CADM1: variants seen among roughly 807,000 people sequenced by gnomAD.
CADM1 encodes TSLC-1.
In CADM1, 15 loss-of-function variants were observed where a neutral mutation model predicts 53.1. The observed-to-expected ratio is 0.28, with a 90% confidence interval of 0.19 to 0.44. The LOEUF is 0.44. CADM1 is among the 20% of genes least tolerant of loss of function. CADM1 has a pLI of 1.00. For missense variants in CADM1, 434 were observed against 611.3 expected, an observed-to-expected ratio of 0.71 and a Z score of 3.06; for synonymous variants, 281 against 243.0, an observed-to-expected ratio of 1.16 and a Z score of -1.45.
At chr11:115,390,945 T>A (rs769501752) in intron 1 of CADM1, among the ~76,000 whole-genome samples, 1 of 152,216 alleles carries the variant, frequency 6.6e-6, no homozygotes, top group Non-Finnish European at 1.5e-5. Context: ...ATTTAAAACT[T>A]ATGTGAGGCA....
intron 1 of CADM1, among the ~76,000 whole-genome samples, chr11:115,254,754 T>A (rs1489152742): frequency 6.6e-6 from 1 of 152,100 alleles, no homozygotes; most frequent in Non-Finnish European, 1.5e-5. Context: ...TGGAACAATA[T>A]GAAAAATACA....
chr11:115,442,254 A>G (rs1420447086), intron 1 of CADM1, among the ~76,000 whole-genome samples: 1 of 152,028 alleles, frequency 6.6e-6, no homozygotes, highest in Non-Finnish European at 1.5e-5. Context: ...CAATCATAAT[A>G]TATGAAAAAG....
chr11:115,326,048 C>T (rs772858701), intron 1 of CADM1, among the ~76,000 whole-genome samples: 3 of 152,130 alleles, frequency 2.0e-5, no homozygotes, highest in Non-Finnish European at 2.9e-5. Flanking sequence ...CACATATTTA[C>T]ACAAATTAAA....
chr11:115,449,052 CTCA>C (rs1184203459), intron 1 of CADM1, among the ~76,000 whole-genome samples: 1 of 152,118 alleles, frequency 6.6e-6, no homozygotes, highest in Non-Finnish European at 1.5e-5. Flanking sequence ...GAAAAAATAT[CTCA>C]TCATCTTTTA....
Position 115,454,035 on chromosome 11 carries a change from T to C in CADM1, c.124+50236A>G, listed in dbSNP as rs758013212. On this transcript the variant is annotated intron_variant, in intron 1 of 11. Transcript: ENST00000331581. ...AGAAGTTCATTCATTGGTCATTTTTTCTAAAATGTTCTTTAAAAAAAAAAT... is the reference window on the plus strand; with the variant it reads ...AGAAGTTCATTCATTGGTCATTTTTCCTAAAATGTTCTTTAAAAAAAAAAT... 1.5e-4 allele frequency among the ~76,000 whole-genome samples: 23 copies of C among 151,786 alleles called. 1 individual carries two copies. The Middle Eastern group carries it at 0.014, about 90-fold the overall frequency.
chr11:115,417,654 G>A (rs1344285190), intron 1 of CADM1, among the ~76,000 whole-genome samples: 1 of 152,180 alleles, frequency 6.6e-6, no homozygotes, highest in Non-Finnish European at 1.5e-5. Flanking sequence ...TGGAGATGCT[G>A]GACAAGGGGA....
At chr11:115,234,849 C>T (rs370218890) in intron 3 of CADM1, among the ~76,000 whole-genome samples, 6 of 140,020 alleles carry the variant, frequency 4.3e-5, no homozygotes, top group Non-Finnish European at 6.0e-5. Context: ...GTCAAGATCA[C>T]GCCATTGCAC....
At chr11:115,420,801 G>A (rs376645367) in intron 1 of CADM1, among the ~76,000 whole-genome samples, 3 of 152,132 alleles carry the variant, frequency 2.0e-5, no homozygotes, top group Non-Finnish European at 4.4e-5. Flanking sequence ...AGGCTGTTTC[G>A]TTCTCCTGAT....
rs186942325 is a variant in CADM1 at position 115,368,157 on chromosome 11, G to A, written c.125-127737C>T. Among the ~76,000 whole-genome samples, 263 of 95,988 alleles carry A rather than the reference G, an allele frequency of 2.7e-3. 3 individuals are homozygous for A. The highest frequency in any genetic ancestry group is 0.01 in the African/African-American group (245 of 24,130). 63.0% of individuals were successfully genotyped at this position (95,988 alleles called of 152,430 possible). A position where few individuals can be genotyped will look rare whatever the true frequency, so the allele number is the denominator to read the frequency against. ...TTTTTTTTACTTTCCGGAGGAAATG[G>A]TCTTCCCTTCCAGATTGTTTGGGGG... On this transcript the variant is annotated intron_variant, in intron 1 of 11. Coordinates refer to ENST00000331581, the MANE Select transcript of CADM1 (RefSeq NM_001301043.2).
At chr11:115,389,355 T>C (rs183921603) in intron 1 of CADM1, among the ~76,000 whole-genome samples, 1 of 152,290 alleles carries the variant, frequency 6.6e-6, no homozygotes, top group African/African-American at 2.4e-5. Flanking sequence ...GAATTTAAAA[T>C]AACATACACG....
In CADM1 at chr11:115,217,315, TTTC is replaced by T. The variant is rs201086684; in HGVS notation, c.821+574_821+576del. Among the ~76,000 whole-genome samples the T allele has an allele frequency of 6.2e-3, 939 of 152,312 alleles. 7 individuals are homozygous for T. Among genetic ancestry groups the T allele is most frequent in the Non-Finnish European group, 9.9e-3 (676 of 68,024 alleles). On this transcript the variant is annotated intron_variant, in intron 6 of 11. Transcript: ENST00000331581. ...TTCAATAAAATAAGAGTCTTAGTTG[TTTC>T]TTCTTTTTCTCTTATGAAGTGGCAT...
intron 10 of CADM1, among the ~76,000 whole-genome samples, chr11:115,179,302 A>ATC (rs1049675913): frequency 6.6e-6 from 1 of 152,242 alleles, no homozygotes; most frequent in Non-Finnish European, 1.5e-5. Flanking sequence ...CTAAAGACAA[A>ATC]TGACAGGCTT....
chr11:115,290,016 T>A (rs1943845555), intron 1 of CADM1, among the ~76,000 whole-genome samples: 1 of 152,216 alleles, frequency 6.6e-6, no homozygotes, highest in African/African-American at 2.4e-5. Flanking sequence ...CTCTTTCAGA[T>A]AGGTCAAAAT....
rs1940552619 is a variant in CADM1 at position 115,203,836 on chromosome 11, T to C, written c.1079-5398A>G. ...CAAAAGCTGGTTAGCTATGTTGTTA[T>C]TTGTAACAGGTTTACAATTATCAGG... On this transcript the variant is annotated intron_variant, in intron 8 of 11. Transcript: ENST00000331581. 2.0e-5 allele frequency among the ~76,000 whole-genome samples: 3 copies of C among 152,286 alleles called. No homozygotes were observed. The South Asian group carries it at 6.2e-4, about 32-fold the overall frequency.
intron 9 of CADM1, chr11:115,193,990 C>T (rs1036797136): frequency 6.6e-6 from 1 of 152,190 alleles, no homozygotes; most frequent in East Asian, 1.9e-4. Flanking sequence ...GTTTTCCCTT[C>T]TTCCCATTAG....
At chr11:115,448,822 T>C (rs2135343690) in intron 1 of CADM1, among the ~76,000 whole-genome samples, 1 of 152,346 alleles carries the variant, frequency 6.6e-6, no homozygotes, top group African/African-American at 2.4e-5. Context: ...AGGTGTCATG[T>C]ATTATTGGCA....
intron 5 of CADM1, among the ~76,000 whole-genome samples, chr11:115,222,597 T>C (rs1374451096): frequency 1.4e-5 from 2 of 143,966 alleles, no homozygotes; most frequent in Non-Finnish European, 3.2e-5. Context: ...TCTGTTGTTA[T>C]GACTCATAGT....
intron 1 of CADM1, among the ~76,000 whole-genome samples, chr11:115,295,508 A>T (rs6589492): frequency 0.51 from 32,252 of 63,490 alleles, 5,768 homozygotes; most frequent in African/African-American, 0.64. Context: ...AAGATATTTT[A>T]TATATATATA....
chr11:115,219,998 G>A (rs1941345367), intron 5 of CADM1, among the ~76,000 whole-genome samples: 3 of 152,022 alleles, frequency 2.0e-5, no homozygotes, highest in Admixed American at 2.0e-4. Flanking sequence ...AACCTTCTGG[G>A]TGAGGCTAAA....
Sources: allele counts gnomAD v4.1 joint callset (sites outside exome capture counted in the v4.1 genomes callset), GRCh38; gene constraint gnomAD v4.1.1; transcripts MANE v1.5; gene names NCBI Gene and HGNC (gene_info 2026-07-23, HGNC 2026-07-21).